The following PCSK5 variants were observed in gnomAD, a reference collection of about 807,000 sequenced individuals.
PCSK5 encodes the protein prohormone convertase 5.
In PCSK5, 129 loss-of-function variants were observed where a neutral mutation model predicts 233.2. The ratio of observed to expected loss-of-function variants is 0.55; its 90% CI spans 0.48 to 0.64. The LOEUF is 0.64. Ranked by LOEUF, PCSK5 falls within the 30% of genes least tolerant of loss-of-function variation. The pLI is 0.00. For synonymous variants in PCSK5, 825 were observed against 879.2 expected (o/e 0.94, Z 1.09); for missense variants, 2,076 against 2,430.1 (o/e 0.85, Z 3.06).
intron 9 of PCSK5, among the ~76,000 whole-genome samples, chr9:76,120,118 T>C (rs947495008): frequency 3.9e-5 from 6 of 152,124 alleles, no homozygotes. Flanking sequence ...TGTTGTCCAG[T>C]ATGAGGATGT....
At chr9:76,106,746 G>A (rs1333701634) in intron 8 of PCSK5, among the ~76,000 whole-genome samples, 3 of 152,190 alleles carry the variant, frequency 2.0e-5, no homozygotes, top group African/African-American at 7.2e-5. Flanking sequence ...TTCTACAGCA[G>A]AGCATACTTT....
intron 2 of PCSK5, among the ~76,000 whole-genome samples, chr9:75,972,381 T>A (rs1286534812): frequency 6.6e-6 from 1 of 152,358 alleles, no homozygotes; most frequent in East Asian, 1.9e-4. Flanking sequence ...TGGTTCCATA[T>A]GAATTTTAAA....
chr9:76,179,195 C>CT (rs1195314026), intron 14 of PCSK5, among the ~76,000 whole-genome samples: 1 of 152,134 alleles, frequency 6.6e-6, no homozygotes, highest in Non-Finnish European at 1.5e-5. Flanking sequence ...AATAATAATG[C>CT]TTTTTTCTTT....
intron 24 of PCSK5, among the ~76,000 whole-genome samples, chr9:76,278,594 A>C (rs918223242): frequency 1.3e-5 from 2 of 152,164 alleles, no homozygotes; most frequent in African/African-American, 4.8e-5. Context: ...TTAAAAGCAT[A>C]GAAACATATA....
intron 20 of PCSK5, among the ~76,000 whole-genome samples, chr9:76,224,166 A>G (rs1015193617): frequency 6.6e-6 from 1 of 152,220 alleles, no homozygotes; most frequent in African/African-American, 2.4e-5. Flanking sequence ...CAAGTTTTAC[A>G]AGTCCCTTAT....
At chr9:76,245,249 T>C (rs991531870) in intron 24 of PCSK5, among the ~76,000 whole-genome samples, 1 of 152,298 alleles carries the variant, frequency 6.6e-6, no homozygotes, top group South Asian at 2.1e-4. Flanking sequence ...TGTTTTAACT[T>C]AGAAAGAGAT....
At chr9:75,994,441 T>TGAGA (rs1262897426) in intron 3 of PCSK5, among the ~76,000 whole-genome samples, 1 of 90,952 alleles carries the variant, frequency 1.1e-5, no homozygotes. Flanking sequence ...TTTTTTTTTT[T>TGAGA]TGAGATGGAG....
At chr9:76,238,697 A>G (rs7861790) in intron 22 of PCSK5, among the ~76,000 whole-genome samples, 145,294 of 152,188 alleles carry the variant, frequency 0.95, 69,404 homozygotes, top group East Asian at 1. Context: ...ACAGAGCATC[A>G]TTTTGCAATG....
chr9:76,238,548 A>C (rs934719581), intron 22 of PCSK5, among the ~76,000 whole-genome samples: 7 of 152,352 alleles, frequency 4.6e-5, no homozygotes, highest in Admixed American at 6.5e-5. Context: ...AAAAGTGTCG[A>C]TCATTATGCA....
At chr9:76,290,291 T>C (rs796260585) in intron 24 of PCSK5, among the ~76,000 whole-genome samples, 6 of 152,314 alleles carry the variant, frequency 3.9e-5, no homozygotes, top group African/African-American at 9.6e-5. Context: ...AGCCTATGAA[T>C]TGGTCTTTCC....
intron 24 of PCSK5, among the ~76,000 whole-genome samples, chr9:76,242,160 G>A (rs541590084): frequency 1.3e-5 from 2 of 152,152 alleles, no homozygotes; most frequent in Middle Eastern, 3.4e-3. Context: ...TGCATATGAT[G>A]TGTGATGATC....
chr9:75,927,285 T>C (rs999599221), intron 1 of PCSK5, among the ~76,000 whole-genome samples: 5 of 152,100 alleles, frequency 3.3e-5, no homozygotes, highest in Admixed American at 3.3e-4. Flanking sequence ...AATTTGTTTG[T>C]AGAATGGAGG....
intron 29 of PCSK5, among the ~76,000 whole-genome samples, chr9:76,310,009 A>G (rs1016308846): frequency 2.6e-4 from 40 of 152,220 alleles, no homozygotes; most frequent in African/African-American, 9.4e-4. Context: ...GCACTTTAGG[A>G]GGCTGAAGCG....
At chr9:76,078,291 C>T (rs1830708906) in intron 7 of PCSK5, among the ~76,000 whole-genome samples, 1 of 152,126 alleles carries the variant, frequency 6.6e-6, no homozygotes, top group Non-Finnish European at 1.5e-5. Flanking sequence ...TTAGACCCAA[C>T]TTATCAACTT....
chr9:75,930,339 G>T (rs574795348), intron 1 of PCSK5, among the ~76,000 whole-genome samples: 2 of 152,236 alleles, frequency 1.3e-5, no homozygotes, highest in African/African-American at 2.4e-5. Flanking sequence ...CAGAAAGAAT[G>T]CTGGTCAGTG....
chr9:76,182,055 A>C (rs544731387), intron 16 of PCSK5, among the ~76,000 whole-genome samples: 3 of 152,300 alleles, frequency 2.0e-5, no homozygotes, highest in Admixed American at 1.3e-4. Flanking sequence ...CACATACCAA[A>C]ATTCCAGAGT....
chr9:76,270,693 T>C (rs1264442389), intron 24 of PCSK5, among the ~76,000 whole-genome samples: 1 of 152,218 alleles, frequency 6.6e-6, no homozygotes, highest in Non-Finnish European at 1.5e-5. Flanking sequence ...ATTCTTTAGC[T>C]GAAAATGTGA....
intron 1 of PCSK5, among the ~76,000 whole-genome samples, chr9:75,906,161 T>G (rs1362777776): frequency 6.6e-6 from 1 of 152,164 alleles, no homozygotes; most frequent in Admixed American, 6.5e-5. Context: ...GACTAAAGTG[T>G]GACCAAGGGT....
intron 13 of PCSK5, among the ~76,000 whole-genome samples, chr9:76,170,306 A>G (rs1222249189): frequency 6.6e-6 from 1 of 152,228 alleles, no homozygotes; most frequent in Non-Finnish European, 1.5e-5. Flanking sequence ...CACCAAAGAA[A>G]ATGATGATGA....
Sources: allele counts gnomAD v4.1 joint callset (sites outside exome capture counted in the v4.1 genomes callset), GRCh38; gene constraint gnomAD v4.1.1; transcripts MANE v1.5; gene names NCBI Gene and HGNC (gene_info 2026-07-23, HGNC 2026-07-21).